Variants in ZC3HAV1 observed in about 807,000 individuals in gnomAD.
The protein encoded by ZC3HAV1 is zinc finger CCCH-type containing, antiviral 1.
ZC3HAV1 carries 41 observed loss-of-function variants against 86.6 expected under a neutral mutation model. The ratio of observed to expected loss-of-function variants is 0.47; its 90% CI spans 0.37 to 0.61. ZC3HAV1 has a LOEUF of 0.61. ZC3HAV1 is among the 20% of genes least tolerant of loss of function. ZC3HAV1 has a pLI of 0.00. For synonymous variants in ZC3HAV1, 421 were observed against 432.1 expected, an observed-to-expected ratio of 0.97 and a Z score of 0.32; for missense variants, 964 against 1,141.1, an observed-to-expected ratio of 0.84 and a Z score of 2.24.
chr7:139,078,775 G>T, intron 4 of ZC3HAV1, 122 bp from the exon 5 acceptor site: 1 of 823,106 alleles, frequency 1.2e-6, no homozygotes, highest in Non-Finnish European at 1.8e-6. Context: ...AAATTCCTAT[G>T]ATTTATGTTT....
At chr7:139,084,121 C>T in intron 2 of ZC3HAV1, 89 bp from the exon 3 acceptor site, 1 of 1,528,508 alleles carries the variant, frequency 6.5e-7, no homozygotes, top group Non-Finnish European at 8.8e-7. Context: ...GTGCAAAAAT[C>T]TCTGAAGCAA....
At chr7:139,052,830 G>A (rs1402256848) in intron 12 of ZC3HAV1, among the ~76,000 whole-genome samples, 2 of 151,832 alleles carry the variant, frequency 1.3e-5, no homozygotes, top group Non-Finnish European at 2.9e-5. Context: ...TTGAGGGGCT[G>A]AAGTTGTAGG....
At chr7:139,094,063 G>A (rs1817510329) in intron 1 of ZC3HAV1, among the ~76,000 whole-genome samples, 1 of 152,126 alleles carries the variant, frequency 6.6e-6, no homozygotes, top group Non-Finnish European at 1.5e-5. Context: ...AACATCATCA[G>A]CATCACTTGG....
intron 7 of ZC3HAV1, among the ~76,000 whole-genome samples, chr7:139,068,202 G>A (rs1816664791): frequency 6.6e-6 from 1 of 152,022 alleles, no homozygotes; most frequent in Admixed American, 6.6e-5. Flanking sequence ...TGGGATTACA[G>A]GCATGAGCCA....
chr7:139,087,147 T>G (rs1817293347), intron 2 of ZC3HAV1, among the ~76,000 whole-genome samples: 1 of 152,168 alleles, frequency 6.6e-6, no homozygotes, highest in Non-Finnish European at 1.5e-5. Flanking sequence ...ACAAAACACC[T>G]TCTCTCAAGT....
intron 11 of ZC3HAV1, 56 bp from the exon 12 acceptor site, chr7:139,053,637 A>G: frequency 6.6e-7 from 1 of 1,511,766 alleles, no homozygotes; most frequent in Non-Finnish European, 8.8e-7. Context: ...ACTCCAGTTG[A>G]TAACATTAAT....
chr7:139,097,428 A>ATATATATTTTTT, intron 1 of ZC3HAV1, among the ~76,000 whole-genome samples: 3 of 48,160 alleles, frequency 6.2e-5, no homozygotes, highest in African/African-American at 3.4e-4. Flanking sequence ...ATATATATAT[A>ATATATATTTTTT]TTTTTTTTTT....
Position 139,064,981 on chromosome 7 carries a change from A to G in ZC3HAV1, c.1891T>C (p.Ser631Pro), listed in dbSNP as rs542589842. ...TCCAGGTATGAAGAGTCGACGTTTG[A>G]ATTTTTCCGTTTGTCTTTCTAATTG... ...YGEEKDKRKN[S>P]NVDSSYLESL... Residue 631 changes from serine to proline, a missense_variant, in exon 8 of 13, where the codon TCA (serine) becomes CCA (proline). Physicochemically the swap from Ser to Pro is moderately conservative, Grantham distance 74. Coordinates refer to ENST00000242351, the MANE Select transcript of ZC3HAV1 (RefSeq NM_020119.4). 1.1e-5 allele frequency: 18 copies of G among 1,614,080 alleles called. 1 individual carries two copies. In the African/African-American group the frequency reaches 1.3e-4, roughly 12 times the overall value.
Position 139,079,512 on chromosome 7 carries a change from T to C in ZC3HAV1, c.1429A>G (p.Arg477Gly). The stretch of plus-strand genomic sequence containing the variant: ...CTTGGGTCAGCATCATCTGCGATTC[T>C]GCCAGTGGCCTGGACATCTCGGGAA... ...PASRDVQATG[R>G]IADDADPRVA... The change falls in exon 4 of 13, where the codon AGA (arginine) becomes GGA (glycine). Residue 477 changes from arginine (R) to glycine (G), a missense_variant. By Grantham distance (125) the Arg-to-Gly change is moderately radical. Transcript: ENST00000242351. 1 of 1,614,236 alleles carries C rather than the reference T, an allele frequency of 6.2e-7. No homozygotes were observed. Among genetic ancestry groups the C allele is most frequent in the Non-Finnish European group, 8.5e-7 (1 of 1,180,034 alleles).
chr7:139,091,671 C>T (rs1316918231), intron 1 of ZC3HAV1, among the ~76,000 whole-genome samples: 1 of 151,734 alleles, frequency 6.6e-6, no homozygotes, highest in South Asian at 2.1e-4. Flanking sequence ...GGCTGGAGTG[C>T]AGTGGCACAA....
chr7:139,094,741 A>G (rs991753923), intron 1 of ZC3HAV1, among the ~76,000 whole-genome samples: 2 of 152,158 alleles, frequency 1.3e-5, no homozygotes, highest in African/African-American at 2.4e-5. Flanking sequence ...GGCAGTGTTG[A>G]AAATAACCTA....
At chr7:139,054,880 C>T (rs991718877) in intron 10 of ZC3HAV1, among the ~76,000 whole-genome samples, 4 of 152,142 alleles carry the variant, frequency 2.6e-5, no homozygotes, top group Non-Finnish European at 4.4e-5. Flanking sequence ...CTCCGCCTCC[C>T]GGGTACAGGC....
intron 12 of ZC3HAV1, chr7:139,049,543 C>G (rs192370847): frequency 3.9e-5 from 6 of 152,514 alleles, no homozygotes; most frequent in Admixed American, 2.6e-4. Flanking sequence ...TTTAGGAACA[C>G]GGTGTGCTTC....
At chr7:139,105,133 G>T (rs1817897706) in intron 1 of ZC3HAV1, among the ~76,000 whole-genome samples, 1 of 151,950 alleles carries the variant, frequency 6.6e-6, no homozygotes, top group African/African-American at 2.4e-5. Flanking sequence ...AGGATCATCT[G>T]AGCCTAGGAA....
chr7:139,081,015 G>A (rs1415889706), intron 3 of ZC3HAV1, among the ~76,000 whole-genome samples: 2 of 152,038 alleles, frequency 1.3e-5, no homozygotes, highest in East Asian at 1.9e-4. Flanking sequence ...AGTCAACATC[G>A]ACAAAGCAGT....
chr7:139,051,518 C>T (rs1342892813), intron 12 of ZC3HAV1, among the ~76,000 whole-genome samples: 1 of 151,894 alleles, frequency 6.6e-6, no homozygotes, highest in Non-Finnish European at 1.5e-5. Context: ...GCAATTCTCC[C>T]ACCTCACCCT....
rs558771367 is a variant in ZC3HAV1, at chr7:139,060,950, G to C, written c.2096+86C>G. 8.9e-5 allele frequency: 142 copies of C among 1,604,444 alleles called. 2 individuals are homozygous for C. In the South Asian group the frequency reaches 1.5e-3, roughly 17 times the overall value. On this transcript the variant is annotated intron_variant, in intron 9 of 12. Coordinates refer to ENST00000242351, the MANE Select transcript of ZC3HAV1 (RefSeq NM_020119.4). The stretch of plus-strand genomic sequence containing the variant: ...CAAACAGGAACTTTTCAGGAAAACA[G>C]GCTCCAGATTCACGAGTGACTTGAT...
intron 12 of ZC3HAV1, among the ~76,000 whole-genome samples, chr7:139,052,706 TG>T (rs1261141445): frequency 6.6e-6 from 1 of 151,752 alleles, no homozygotes; most frequent in Non-Finnish European, 1.5e-5. Flanking sequence ...GCGGATTATT[TG>T]AGCTCAGGAG....
In ZC3HAV1 at chr7:139,109,337, G is replaced by C; in HGVS notation, c.-6C>G. 7 of 1,560,330 alleles carry C rather than the reference G, an allele frequency of 4.5e-6. No homozygotes were observed. The highest frequency in any genetic ancestry group is 6.1e-6 in the Non-Finnish European group (7 of 1,154,176). Reference sequence around the variant, plus strand: ...CACACCTCCGGGTCCGCCATGGCGCGCTGGCTGTGCTGGCTCTGCCGCGGC... The same window carrying C: ...CACACCTCCGGGTCCGCCATGGCGCCCTGGCTGTGCTGGCTCTGCCGCGGC... On this transcript the variant is annotated 5_prime_UTR_variant, in exon 1 of 13. Transcript: ENST00000242351.
Sources: gnomAD v4.1 joint callset for allele counts (sites outside exome capture counted in the v4.1 genomes callset) on GRCh38, gnomAD v4.1.1 for gene constraint, MANE v1.5 for transcripts, NCBI Gene and HGNC (gene_info 2026-07-23, HGNC 2026-07-21) for gene names.